The following SPATS2L variants were observed in gnomAD, a reference collection of about 807,000 sequenced individuals.
SPATS2L encodes SPATS2-like protein.
In SPATS2L, 30 loss-of-function variants were observed where a neutral mutation model predicts 59.6. The ratio of observed to expected loss-of-function variants is 0.50; its 90% CI spans 0.38 to 0.68. The LOEUF is 0.68. Among genes scored for constraint, SPATS2L ranks in the 30% least tolerant of loss-of-function variants. The pLI is 0.00. For missense variants in SPATS2L, 615 were observed against 700.0 expected (o/e 0.88, Z 1.37); for synonymous variants, 252 against 263.5 (o/e 0.96, Z 0.42).
intron 6 of SPATS2L, among the ~76,000 whole-genome samples, chr2:200,437,531 G>T (rs2084384440): frequency 6.6e-6 from 1 of 152,138 alleles, no homozygotes; most frequent in African/African-American, 2.4e-5. Flanking sequence ...TTGACAGCCA[G>T]TGCCTTATAG....
At chr2:200,411,498 T>G (rs2082877128) in intron 3 of SPATS2L, among the ~76,000 whole-genome samples, 1 of 152,226 alleles carries the variant, frequency 6.6e-6, no homozygotes, top group Non-Finnish European at 1.5e-5. Context: ...CAGTAGCAGC[T>G]GCAGTAATCC....
At chr2:200,442,578 A>G (rs2084770750) in intron 8 of SPATS2L, among the ~76,000 whole-genome samples, 2 of 152,210 alleles carry the variant, frequency 1.3e-5, no homozygotes, top group South Asian at 2.1e-4. Flanking sequence ...CTTTTAGAAT[A>G]AACTCTTCCT....
chr2:200,314,880 T>C (rs1443678467), intron 1 of SPATS2L, among the ~76,000 whole-genome samples: 1 of 152,240 alleles, frequency 6.6e-6, no homozygotes. Context: ...GTAATATTGG[T>C]TACATGTTGA....
At chr2:200,472,781 G>A (rs2087158122) in intron 11 of SPATS2L, 51 bp from the exon 12 acceptor site, 1 of 1,496,472 alleles carries the variant, frequency 6.7e-7, no homozygotes, top group Non-Finnish European at 9.3e-7. Flanking sequence ...GGTTACTGAG[G>A]CAGCAGTGTT....
intron 1 of SPATS2L, among the ~76,000 whole-genome samples, chr2:200,310,912 G>T (rs550048901): frequency 6.6e-6 from 1 of 152,224 alleles, no homozygotes; most frequent in South Asian, 2.1e-4. Flanking sequence ...ACTCTCATTG[G>T]TTCTTTCTGC....
intron 1 of SPATS2L, among the ~76,000 whole-genome samples, chr2:200,328,954 A>G (rs914492589): frequency 6.6e-6 from 1 of 152,224 alleles, no homozygotes; most frequent in African/African-American, 2.4e-5. Context: ...CTTGATTGCC[A>G]GCTACATTTT....
In SPATS2L at chr2:200,306,776, C is replaced by T. The variant is rs2079027149; in HGVS notation, c.-219C>T. 1.0e-6 allele frequency: 1 copy of T among 981,842 alleles called. No individual in the cohort carries two copies. Among genetic ancestry groups the T allele is most frequent in the Non-Finnish European group, 1.2e-6 (1 of 828,334 alleles). 60.8% of individuals were successfully genotyped at this position (981,842 alleles called of 1,614,324 possible). A position where few individuals can be genotyped will look rare whatever the true frequency, so the allele number is the denominator to read the frequency against. On this transcript the variant is annotated 5_prime_UTR_variant, in exon 1 of 13. Coordinates refer to ENST00000409140, the MANE Select transcript of SPATS2L (RefSeq NM_001100423.2). Reference sequence around the variant, plus strand: ...AGCGCCGGCAGCGCGGGGCGAGCTCCGGACGGCGCGCGGCCCAGGCAGCGG... The same window carrying T: ...AGCGCCGGCAGCGCGGGGCGAGCTCTGGACGGCGCGCGGCCCAGGCAGCGG...
intron 2 of SPATS2L, among the ~76,000 whole-genome samples, chr2:200,378,751 A>G (rs1574321002): frequency 6.6e-6 from 1 of 152,296 alleles, no homozygotes; most frequent in Non-Finnish European, 1.5e-5. Context: ...TTATTCCATG[A>G]CAACCGAGCC....
chr2:200,344,782 T>C lies in SPATS2L; in HGVS notation c.-23+15302T>C, dbSNP rs573252604. On this transcript the variant is annotated intron_variant, in intron 2 of 12. Transcript: ENST00000409140. The stretch of plus-strand genomic sequence containing the variant: ...CCATTCTGACTGATGTGAGATGGTA[T>C]CTCATTGTGGTTTTGATTTGCATTT... 3.3e-5 allele frequency among the ~76,000 whole-genome samples: 5 copies of C among 152,354 alleles called. No individual in the cohort carries two copies. The South Asian group carries it at 1.0e-3, about 32-fold the overall frequency.
intron 2 of SPATS2L, among the ~76,000 whole-genome samples, chr2:200,386,892 A>G (rs1034057791): frequency 6.6e-6 from 1 of 152,178 alleles, no homozygotes; most frequent in African/African-American, 2.4e-5. Context: ...ATGTATATAC[A>G]ATGTATGTTT....
At chr2:200,376,089 A>C (rs985130847) in intron 2 of SPATS2L, among the ~76,000 whole-genome samples, 1 of 152,206 alleles carries the variant, frequency 6.6e-6, no homozygotes, top group East Asian at 1.9e-4. Flanking sequence ...TTGAACACTT[A>C]GCTTGTCAAA....
chr2:200,459,454 T>C lies in SPATS2L; in HGVS notation c.789-315T>C, dbSNP rs115796644. On this transcript the variant is annotated intron_variant, in intron 8 of 12. Transcript: ENST00000409140. ...ATACTTATTATATTGTTTTGGAACTTTGGAATGTATAGGACAAAAATATTC... is the reference window on the plus strand; with the variant it reads ...ATACTTATTATATTGTTTTGGAACTCTGGAATGTATAGGACAAAAATATTC... Among the ~76,000 whole-genome samples the C allele has an allele frequency of 2.4e-3, 371 of 152,280 alleles. 1 individual carries two copies. Among genetic ancestry groups the C allele is most frequent in the African/African-American group, 8.6e-3 (356 of 41,556 alleles).
At chr2:200,371,150 C>T (rs2081413678) in intron 2 of SPATS2L, among the ~76,000 whole-genome samples, 4 of 152,028 alleles carry the variant, frequency 2.6e-5, no homozygotes, top group Admixed American at 1.3e-4. Flanking sequence ...ATGAATAAAA[C>T]CACTGAGTAT....
At chr2:200,433,678 CA>C (rs1327087176) in intron 6 of SPATS2L, among the ~76,000 whole-genome samples, 8 of 152,058 alleles carry the variant, frequency 5.3e-5, no homozygotes, top group African/African-American at 1.7e-4. Flanking sequence ...TAAAAGCTAA[CA>C]GGATGTTATA....
chr2:200,477,495 T>A (rs539111572), intron 12 of SPATS2L, 141 bp from the exon 13 acceptor site: 226 of 614,022 alleles, frequency 3.7e-4, no homozygotes, highest in Non-Finnish European at 4.2e-4. Context: ...ATCTTCATGT[T>A]TTCTGATTCT....
At chr2:200,438,994 A>T in intron 6 of SPATS2L, 128 bp from the exon 7 acceptor site, 1 of 690,774 alleles carries the variant, frequency 1.4e-6, no homozygotes, top group East Asian at 2.7e-5. Context: ...CAGTTTCTTG[A>T]CTGTTTGCAA....
intron 2 of SPATS2L, among the ~76,000 whole-genome samples, chr2:200,381,915 T>C (rs1252591141): frequency 6.6e-6 from 1 of 152,166 alleles, no homozygotes; most frequent in Non-Finnish European, 1.5e-5. Context: ...CAGTTAGTTA[T>C]GCCTTTAGAC....
intron 2 of SPATS2L, among the ~76,000 whole-genome samples, chr2:200,384,751 AAC>A (rs1559085322): frequency 6.6e-6 from 1 of 152,252 alleles, no homozygotes; most frequent in African/African-American, 2.4e-5. Context: ...AATAAGTTTT[AAC>A]AGTTTCCTTG....
chr2:200,396,012 A>G (rs747296666), intron 3 of SPATS2L, among the ~76,000 whole-genome samples: 32 of 10,538 alleles, frequency 3.0e-3, no homozygotes, highest in Admixed American at 4.5e-3. Context: ...CTCGATCTGG[A>G]AAAAAAAAAA....
Sources: gnomAD v4.1 joint callset for allele counts (sites outside exome capture counted in the v4.1 genomes callset) on GRCh38, gnomAD v4.1.1 for gene constraint, MANE v1.5 for transcripts, NCBI Gene and HGNC (gene_info 2026-07-23, HGNC 2026-07-21) for gene names.